NALF2: variants seen among roughly 807,000 people sequenced by gnomAD.
NALF2 encodes the protein NALCN channel auxiliary factor 2.
NALF2 carries 1 observed loss-of-function variant against 24.8 expected under a neutral mutation model. The observed-to-expected ratio is 0.04, with a 90% CI of 0.01 to 0.19. NALF2 has a LOEUF of 0.19. NALF2 is among the 10% of genes least tolerant of loss of function. NALF2 has a pLI of 1.00. For missense variants in NALF2, 458 were observed against 409.6 expected (o/e 1.12, Z -1.02); for synonymous variants, 254 against 189.8 (o/e 1.34, Z -2.78).
rs1272491196 is a variant in NALF2, at chrX:69,531,763, C to A, written c.*1807C>A. The A allele has an allele frequency of 8.9e-6, 1 of 111,859 alleles. No homozygotes were observed. The highest frequency in any genetic ancestry group is 1.9e-5 in the Non-Finnish European group (1 of 53,141). The allele number at this position is 111,859 out of a possible 1,213,427, so 9.2% of individuals were successfully genotyped here. On this transcript the variant is annotated 3_prime_UTR_variant, in exon 3 of 3. Coordinates refer to ENST00000252338, the MANE Select transcript of NALF2 (RefSeq NM_015686.3). ...TTACAGCCTATCCCCCAACCCTACC[C>A]CTGTGCCCTGCCTACACACTCCCGT...
At chrX:69,510,120 G>A (rs192906575) in intron 1 of NALF2, among the ~76,000 whole-genome samples, 33 of 112,577 alleles carry the variant, frequency 2.9e-4, no homozygotes, top group African/African-American at 1.0e-3. Flanking sequence ...GGAAAATGCC[G>A]TGGAGGCAAT....
chrX:69,509,856 T>C (rs1361339004), intron 1 of NALF2, among the ~76,000 whole-genome samples: 3 of 112,486 alleles, frequency 2.7e-5, no homozygotes, highest in Non-Finnish European at 3.8e-5. Flanking sequence ...CCTAGTTCTT[T>C]TATTTATTAC....
At position 69,531,839 on chromosome X, in the gene NALF2, C is replaced by G. The variant is rs1930909226; in HGVS notation, c.*1883C>G. On this transcript the variant is annotated 3_prime_UTR_variant, in exon 3 of 3. Transcript: ENST00000252338. ...TCACATACCCCATCCCTAGAGTGCT[C>G]TTTTCAGCTGGGGAGGGGAAGAGGT... 1 of 111,961 alleles carries G rather than the reference C, an allele frequency of 8.9e-6. No homozygotes were observed. Among genetic ancestry groups the G allele is most frequent in the Admixed American group, 9.5e-5 (1 of 10,565 alleles). The allele number at this position is 111,961 out of a possible 1,213,427, so 9.2% of individuals were successfully genotyped here.
rs1930441721 is a variant in NALF2 at position 69,505,258 on chromosome X, C to T, written c.-25C>T. 3 of 1,124,598 alleles carry T rather than the reference C, an allele frequency of 2.7e-6. No homozygotes were observed. The highest frequency in any genetic ancestry group is 3.5e-6 in the Non-Finnish European group (3 of 855,029). 92.7% of individuals were successfully genotyped at this position (1,124,598 alleles called of 1,213,427 possible). Reference sequence around the variant, plus strand: ...CGTCTGGCCTCGCGCCTGCCTGTTCCCTCCAGCCCGGACCCCCCTGAAATA... The same window carrying T: ...CGTCTGGCCTCGCGCCTGCCTGTTCTCTCCAGCCCGGACCCCCCTGAAATA... On this transcript the variant is annotated 5_prime_UTR_variant, in exon 1 of 3. Transcript: ENST00000252338.
intron 1 of NALF2, among the ~76,000 whole-genome samples, chrX:69,527,416 A>G (rs1222503293): frequency 9.0e-6 from 1 of 111,715 alleles, no homozygotes; most frequent in Non-Finnish European, 1.9e-5. Context: ...GCCAAAGTCC[A>G]TGTTCACAGC....
rs371648295 is a variant in NALF2 at position 69,529,793 on chromosome X, C to A, written c.1256C>A (p.Pro419Gln). ...GRVSNKPALL[P>Q]VSGGSRLSPS... ...GTCAGCAACAAGCCCGCCCTGCTGC[C>A]GGTCTCTGGGGGCTCCCGCCTCAGC... is the stretch of plus-strand genomic sequence containing the variant. The change falls in exon 3 of 3, where the codon CCG becomes CAG. Residue 419 changes from proline (P) to glutamine (Q), a missense_variant. By Grantham distance (76) the Pro-to-Gln change is moderately conservative. Transcript: ENST00000252338. 5.0e-6 allele frequency: 6 copies of A among 1,209,922 alleles called. No individual in the cohort carries two copies. Among genetic ancestry groups the A allele is most frequent in the Non-Finnish European group, 6.7e-6 (6 of 895,167 alleles).
Position 69,505,670 on chromosome X carries a change from T to G in NALF2, c.388T>G (p.Ser130Ala), listed in dbSNP as rs1454999949. ...GACCAAAGCCGCCCCCGCCGCCGGCTCTCGGCCGGTCTGCGGCGGCGTCCC... is the reference window on the plus strand; with the variant it reads ...GACCAAAGCCGCCCCCGCCGCCGGCGCTCGGCCGGTCTGCGGCGGCGTCCC... Reference protein sequence around the residue: ...NLTKAAPAAGSRPVCGGVPEP... With the variant: ...NLTKAAPAAGARPVCGGVPEP... The change falls in exon 1 of 3, where the codon TCT (serine) becomes GCT (alanine). Residue 130 changes from serine (S) to alanine (A), a missense_variant. Physicochemically the swap from Ser to Ala is moderately conservative, Grantham distance 99. Coordinates refer to ENST00000252338, the MANE Select transcript of NALF2 (RefSeq NM_015686.3). The G allele has an allele frequency of 3.3e-6, 4 of 1,204,188 alleles. No homozygotes were observed. The African/African-American group carries it at 7.1e-5, about 21-fold the overall frequency.
chrX:69,508,070 G>T (rs1387779202), intron 1 of NALF2, among the ~76,000 whole-genome samples: 1 of 111,616 alleles, frequency 9.0e-6, no homozygotes, highest in African/African-American at 3.3e-5. Context: ...ATGACCTTGG[G>T]CAAGTCACTT....
chrX:69,506,117 A>G lies in NALF2; in HGVS notation c.835A>G (p.Ile279Val), dbSNP rs1403581180. The stretch of plus-strand genomic sequence containing the variant: ...ATACTTACAGGCGGAAGAGTACTCA[A>G]TCCGGTCCTGCACGAAAGGCTGTAA... The part of the protein sequence containing the change: ...HKYLQAEEYS[I>V]RSCTKGCKAV... Residue 279 changes from isoleucine to valine, a missense_variant, in exon 1 of 3, where the codon ATC becomes GTC. Ile to Val is a conservative substitution (Grantham distance 29). Coordinates refer to ENST00000252338, the MANE Select transcript of NALF2 (RefSeq NM_015686.3). 8.3e-7 allele frequency: 1 copy of G among 1,207,075 alleles called. No homozygotes were observed. Among genetic ancestry groups the G allele is most frequent in the Non-Finnish European group, 1.1e-6 (1 of 892,971 alleles).
intron 1 of NALF2, among the ~76,000 whole-genome samples, chrX:69,513,290 G>A (rs1930611436): frequency 8.9e-6 from 1 of 112,463 alleles, no homozygotes; most frequent in Non-Finnish European, 1.9e-5. Flanking sequence ...TGCTGGTAGA[G>A]CTGGAAGGGA....
chrX:69,512,148 A>ATCT (rs960437580), intron 1 of NALF2, among the ~76,000 whole-genome samples: 1 of 111,314 alleles, frequency 9.0e-6, no homozygotes, highest in African/African-American at 3.3e-5. Flanking sequence ...ATCTGGACAA[A>ATCT]TCTGGACCCC....
chrX:69,529,664 C>T lies in NALF2; in HGVS notation c.1127C>T (p.Ser376Phe), dbSNP rs1231224589. The T allele has an allele frequency of 1.2e-5, 14 of 1,208,070 alleles. No individual in the cohort carries two copies. The highest frequency in any genetic ancestry group is 8.9e-6 in the Non-Finnish European group (8 of 894,332). Residue 376 changes from serine (S) to phenylalanine (F), a missense_variant, in exon 3 of 3, where the codon TCT becomes TTT. By Grantham distance (155) the Ser-to-Phe change is radical (BLOSUM62 -2). Transcript: ENST00000252338. ...GCGAAGAAGAAGAAGTTCAAGGAGT[C>T]TGAGGCCCCCAAAACCCACCAGCAG... ...CEAKKKKFKE[S>F]EAPKTHQQQF...
At position 69,505,671 on chromosome X, in the gene NALF2, C is replaced by G; in HGVS notation, c.389C>G (p.Ser130Cys). ...NLTKAAPAAG[S>C]RPVCGGVPEP... ...ACCAAAGCCGCCCCCGCCGCCGGCT[C>G]TCGGCCGGTCTGCGGCGGCGTCCCA... The change falls in exon 1 of 3, where the codon TCT becomes TGT. Residue 130 changes from serine to cysteine, a missense_variant. Ser to Cys is a moderately radical substitution (Grantham distance 112). Transcript: ENST00000252338. The G allele has an allele frequency of 1.7e-6, 2 of 1,207,143 alleles. No individual in the cohort carries two copies. Among genetic ancestry groups the G allele is most frequent in the South Asian group, 3.5e-5 (2 of 56,743 alleles).
At chrX:69,519,114 G>A (rs1275235407) in intron 1 of NALF2, among the ~76,000 whole-genome samples, 1 of 112,167 alleles carries the variant, frequency 8.9e-6, no homozygotes, top group African/African-American at 3.2e-5. Flanking sequence ...CATCTTGTTT[G>A]CATGGAGTTA....
intron 1 of NALF2, among the ~76,000 whole-genome samples, chrX:69,517,351 T>C (rs1235069987): frequency 9.0e-6 from 1 of 111,398 alleles, no homozygotes; most frequent in African/African-American, 3.3e-5. Flanking sequence ...GTTATTATTA[T>C]TATTGGCTGT....
rs1602188576 is a variant in NALF2 at position 69,504,828 on chromosome X, C to T, written c.-455C>T. Among the ~76,000 whole-genome samples, 1 of 107,936 alleles carries T rather than the reference C, an allele frequency of 9.3e-6. No homozygotes were observed. Among genetic ancestry groups the T allele is most frequent in the East Asian group, 2.9e-4 (1 of 3,401 alleles). 93.7% of individuals were successfully genotyped at this position (107,936 alleles called of 115,157 possible). On this transcript the variant is annotated 5_prime_UTR_variant, in exon 1 of 3. Coordinates refer to ENST00000252338, the MANE Select transcript of NALF2 (RefSeq NM_015686.3). ...GAGCGGAGCGCGGCGGCGGGGCCCG[C>T]ACGGCGGCGCTGAGGGGCGCAGAGC...
intron 1 of NALF2, among the ~76,000 whole-genome samples, chrX:69,512,838 C>T (rs746151401): frequency 1.8e-5 from 2 of 111,826 alleles, no homozygotes; most frequent in South Asian, 7.7e-4. Context: ...TAGTGCCCAG[C>T]TGGCTACTGA....
rs751189651 is a variant in NALF2, at chrX:69,530,874, A to G, written c.*918A>G. The G allele has an allele frequency of 8.8e-6, 1 of 113,054 alleles. No homozygotes were observed. The highest frequency in any genetic ancestry group is 3.7e-4 in the South Asian group (1 of 2,702). The allele number at this position is 113,054 out of a possible 1,213,427, so 9.3% of individuals were successfully genotyped here. On this transcript the variant is annotated 3_prime_UTR_variant, in exon 3 of 3. Coordinates refer to ENST00000252338, the MANE Select transcript of NALF2 (RefSeq NM_015686.3). ...CGCTGTCTGAAGGACCATATCTTAC[A>G]GAAGGTGCACATACTCCCAAGGGCC...
intron 1 of NALF2, among the ~76,000 whole-genome samples, chrX:69,511,624 G>A (rs1255752565): frequency 1.8e-5 from 2 of 111,675 alleles, no homozygotes; most frequent in African/African-American, 3.3e-5. Context: ...CCTCCAGGAA[G>A]GATACACTGG....
Sources: gnomAD v4.1 joint callset for allele counts (sites outside exome capture counted in the v4.1 genomes callset) on GRCh38, gnomAD v4.1.1 for gene constraint, MANE v1.5 for transcripts, NCBI Gene and HGNC (gene_info 2026-07-23, HGNC 2026-07-21) for gene names.